The following COX7A2 variants were observed in gnomAD, a reference collection of about 807,000 sequenced individuals.
The protein encoded by COX7A2 is cytochrome c oxidase subunit 7A2, mitochondrial.
COX7A2 carries 11 observed loss-of-function variants against 11.6 expected under a neutral mutation model. That is an observed-to-expected ratio of 0.95 (90% CI 0.60 to 1.57). COX7A2 has a LOEUF of 1.57. Among genes scored for constraint, COX7A2 ranks in the 40% most tolerant of loss-of-function variants. COX7A2 has a pLI of 0.00. For synonymous variants in COX7A2, 30 were observed against 38.2 expected, an observed-to-expected ratio of 0.78 and a Z score of 0.79; for missense variants, 106 against 100.9, an observed-to-expected ratio of 1.05 and a Z score of -0.22.
upstream of COX7A2, among the ~76,000 whole-genome samples, chr6:75,246,837 G>A (rs942461300): frequency 2.0e-5 from 3 of 152,198 alleles, no homozygotes; most frequent in East Asian, 1.9e-4. Flanking sequence ...ATTTGCCTGC[G>A]TACCTAACAA....
chr6:75,240,415 T>C (rs1474763705), intron 2 of COX7A2, 30 bp from the exon 3 acceptor site: 2 of 1,251,920 alleles, frequency 1.6e-6, no homozygotes, highest in Admixed American at 2.4e-5. Flanking sequence ...AAAAAGACAA[T>C]AATAAATGTC....
At chr6:75,240,879 G>A (rs1771481216) in intron 2 of COX7A2, 1 of 224,190 alleles carries the variant, frequency 4.5e-6, no homozygotes, top group Non-Finnish European at 8.8e-6. Flanking sequence ...TGTATTTTTA[G>A]GTATATATGA....
chr6:75,248,753 C>T (rs949441025), upstream of COX7A2, among the ~76,000 whole-genome samples: 7 of 152,224 alleles, frequency 4.6e-5, 1 homozygote, highest in South Asian at 6.2e-4. Flanking sequence ...CAATAATTAC[C>T]GGTTACCTAC....
chr6:75,241,153 T>A (rs755591432), intron 2 of COX7A2, 23 bp downstream of exon 2: 1 of 1,584,240 alleles, frequency 6.3e-7, no homozygotes, highest in South Asian at 1.1e-5. Flanking sequence ...ACAAGTAACA[T>A]CTCCTATAAA....
At chr6:75,240,789 T>C (rs1057127408) in intron 2 of COX7A2, 19 of 192,830 alleles carry the variant, frequency 9.9e-5, no homozygotes, top group African/African-American at 4.2e-4. Context: ...GAAGGGATTT[T>C]GGTTTATAAC....
chr6:75,249,862 T>A (rs1771752949), intron 1 of COX7A2, among the ~76,000 whole-genome samples: 1 of 152,188 alleles, frequency 6.6e-6, no homozygotes, highest in Non-Finnish European at 1.5e-5. Context: ...GCATGAGTTA[T>A]TAGGGTCAGA....
chr6:75,241,346 G>T, intron 1 of COX7A2, 81 bp from the exon 2 acceptor site: 1 of 1,259,904 alleles, frequency 7.9e-7, no homozygotes, highest in Non-Finnish European at 1.1e-6. Flanking sequence ...TCATATTATA[G>T]AAAAGGTAAA....
intron 1 of COX7A2, among the ~76,000 whole-genome samples, chr6:75,243,210 G>C (rs537549151): frequency 4.3e-4 from 65 of 152,278 alleles, no homozygotes; most frequent in African/African-American, 1.5e-3. Context: ...TCGCCTGACG[G>C]AAATAACACT....
chr6:75,240,271 A>G, intron 3 of COX7A2, 30 bp downstream of exon 3: 1 of 1,516,388 alleles, frequency 6.6e-7, no homozygotes, highest in Non-Finnish European at 9.1e-7. Flanking sequence ...TTACTTTTCT[A>G]TAAACCTTCA....
intron 3 of COX7A2, among the ~76,000 whole-genome samples, chr6:75,238,946 C>A (rs906316698): frequency 3.3e-5 from 5 of 151,814 alleles, no homozygotes; most frequent in African/African-American, 1.2e-4. Flanking sequence ...TCACGAGTAG[C>A]TGGGATTGCA....
rs371056263 is a variant in COX7A2 at position 75,237,813 on chromosome 6, C to T, written c.*117G>A. ...ATGGTAAAGACTGCTTTATTGGTGGCAGTTACTACAAGTCAATAAATATTG... is the reference window on the plus strand; with the variant it reads ...ATGGTAAAGACTGCTTTATTGGTGGTAGTTACTACAAGTCAATAAATATTG... On this transcript the variant is annotated 3_prime_UTR_variant, in exon 4 of 4. Coordinates refer to ENST00000684430, the MANE Select transcript of COX7A2 (RefSeq NM_001366293.2). 3.1e-5 allele frequency: 19 copies of T among 609,476 alleles called. No homozygotes were observed. In the South Asian group the frequency reaches 4.4e-4, roughly 14 times the overall value. 37.8% of individuals were successfully genotyped at this position (609,476 alleles called of 1,614,324 possible). A position where few individuals can be genotyped will look rare whatever the true frequency, so the allele number is the denominator to read the frequency against.
intron 1 of COX7A2, among the ~76,000 whole-genome samples, chr6:75,242,726 A>G (rs1485796313): frequency 1.3e-5 from 2 of 151,608 alleles, no homozygotes; most frequent in Non-Finnish European, 2.9e-5. Flanking sequence ...AGGCTGAGGC[A>G]GCAGAATCGC....
upstream of COX7A2, among the ~76,000 whole-genome samples, chr6:75,245,469 C>A (rs1771661565): frequency 7.2e-6 from 1 of 138,280 alleles, no homozygotes; most frequent in African/African-American, 2.7e-5. Context: ...CCAGCCTGGG[C>A]GACAGAGTGA....
At chr6:75,239,149 C>T (rs1423467945) in intron 3 of COX7A2, among the ~76,000 whole-genome samples, 2 of 152,120 alleles carry the variant, frequency 1.3e-5, no homozygotes, top group Non-Finnish European at 2.9e-5. Flanking sequence ...AATGTGTTTC[C>T]CCAACGAGGA....
upstream of COX7A2, among the ~76,000 whole-genome samples, chr6:75,245,319 G>A (rs989554457): frequency 2.6e-5 from 4 of 152,068 alleles, no homozygotes; most frequent in Non-Finnish European, 5.9e-5. Context: ...GTGAAACCCT[G>A]TCTCTACTAA....
intron 1 of COX7A2, among the ~76,000 whole-genome samples, chr6:75,248,987 T>G (rs1771738314): frequency 6.6e-6 from 1 of 152,154 alleles, no homozygotes; most frequent in South Asian, 2.1e-4. Flanking sequence ...GCACGGATTA[T>G]AGCCTCACCC....
rs200671238 is a variant in COX7A2 at position 75,241,218 on chromosome 6, C to G, written c.66G>C (p.Arg22Ser). 7 of 1,595,922 alleles carry G rather than the reference C, an allele frequency of 4.4e-6. No homozygotes were observed. The South Asian group carries it at 4.5e-5, about 10-fold the overall frequency. The change falls in exon 2 of 4, where the codon AGG (arginine) becomes AGC (serine). Residue 22 changes from arginine to serine, a missense_variant. By Grantham distance (110) the Arg-to-Ser change is moderately radical (BLOSUM62 -1). Coordinates refer to ENST00000684430, the MANE Select transcript of COX7A2 (RefSeq NM_001366293.2). ...TCTCCGGAACTTTATTTTTAAAATG[C>G]CTGCGGGAAGCAGTGCTTATCGTCC... Reference protein sequence around the residue: ...GQRTISTASRRHFKNKVPEKQ... With the variant: ...GQRTISTASRSHFKNKVPEKQ...
chr6:75,238,207 T>C (rs1281393100), intron 3 of COX7A2, among the ~76,000 whole-genome samples: 5 of 152,042 alleles, frequency 3.3e-5, no homozygotes, highest in African/African-American at 1.2e-4. Flanking sequence ...AATATATTTG[T>C]CAACATAAAA....
chr6:75,245,598 A>G (rs548500623), upstream of COX7A2, among the ~76,000 whole-genome samples: 93 of 152,046 alleles, frequency 6.1e-4, no homozygotes, highest in Non-Finnish European at 1.2e-3. Context: ...GGATCATTCC[A>G]TCTATTAACA....
Sources: allele counts gnomAD v4.1 joint callset (sites outside exome capture counted in the v4.1 genomes callset), GRCh38; gene constraint gnomAD v4.1.1; transcripts MANE v1.5; gene names NCBI Gene and HGNC (gene_info 2026-07-23, HGNC 2026-07-21).